Variants in SRSF3 observed in about 807,000 individuals in gnomAD.
SRSF3 encodes serine/arginine-rich splicing factor 3.
For synonymous variants in SRSF3, 87 were observed against 73.6 expected, an observed-to-expected ratio of 1.18 and a Z score of -0.93; for missense variants, 58 against 217.1, an observed-to-expected ratio of 0.27 and a Z score of 4.61.
chr6:36,599,755 T>C, intron 3 of SRSF3: 1 of 1,185,926 alleles, frequency 8.4e-7, no homozygotes, highest in Non-Finnish European at 1.1e-6. Flanking sequence ...GTTGTACTGA[T>C]GGCTTGTTTT....
chr6:36,601,018 TTTTTTTTTG>T, intron 3 of SRSF3, 125 bp from the exon 4 acceptor site: 1 of 316,900 alleles, frequency 3.2e-6, no homozygotes, highest in Non-Finnish European at 5.2e-6. Context: ...TTTTTTTTTT[TTTTTTTTTG>T]GACGATGGGT....
At position 36,599,702 on chromosome 6, in the gene SRSF3, CTG is replaced by C. The variant is rs1778687226; in HGVS notation, c.341+721_341+722del. The C allele has an allele frequency of 1.0e-5, 8 of 793,676 alleles. No individual in the cohort carries two copies. In the South Asian group the frequency reaches 1.1e-4, roughly 11 times the overall value. 49.2% of individuals were successfully genotyped at this position (793,676 alleles called of 1,614,324 possible). On this transcript the variant is annotated intron_variant, in intron 3 of 5. Transcript: ENST00000373715. ...TGCTATTTTGAAAAACAACAGCACA[CTG>C]TTGCCCATCATAATAAAGAGTATTT...
chr6:36,596,028 G>A (rs1361185654), intron 1 of SRSF3, among the ~76,000 whole-genome samples: 1 of 151,816 alleles, frequency 6.6e-6, no homozygotes, highest in African/African-American at 2.4e-5. Flanking sequence ...GGGTTCAAGC[G>A]ATTGTTCTGC....
rs1778741148 is a variant in SRSF3, at chr6:36,602,867, A to G, written c.*878A>G. The G allele has an allele frequency of 9.6e-6, 2 of 208,486 alleles. No homozygotes were observed. The highest frequency in any genetic ancestry group is 2.0e-5 in the Non-Finnish European group (2 of 102,210). 12.9% of individuals were successfully genotyped at this position (208,486 alleles called of 1,614,324 possible). ...GTATAACATTCCTATTGGAAGCCATACTTATATTTTCTTGTAAAGTGCTTT... is the reference window on the plus strand; with the variant it reads ...GTATAACATTCCTATTGGAAGCCATGCTTATATTTTCTTGTAAAGTGCTTT... On this transcript the variant is annotated 3_prime_UTR_variant, in exon 6 of 6. Transcript: ENST00000373715.
At chr6:36,597,878 A>T (rs1484240502) in intron 2 of SRSF3, among the ~76,000 whole-genome samples, 10 of 151,776 alleles carry the variant, frequency 6.6e-5, no homozygotes. Context: ...TTTAAAAAAT[A>T]ATACAGACGA....
In SRSF3 at chr6:36,602,932, T is replaced by G. The variant is rs1241552216; in HGVS notation, c.*943T>G. 4.6e-6 allele frequency: 1 copy of G among 215,328 alleles called. No individual in the cohort carries two copies. The highest frequency in any genetic ancestry group is 2.3e-5 in the African/African-American group (1 of 44,278). The allele number at this position is 215,328 out of a possible 1,614,324, so 13.3% of individuals were successfully genotyped here. On this transcript the variant is annotated 3_prime_UTR_variant, in exon 6 of 6. Transcript: ENST00000373715. ...ATTAGCATAATTGTGTATAGTCAGTTGAACCCACTGTTACCATTGTTCTTA... is the reference window on the plus strand; with the variant it reads ...ATTAGCATAATTGTGTATAGTCAGTGGAACCCACTGTTACCATTGTTCTTA...
chr6:36,596,683 T>G, intron 1 of SRSF3, 78 bp from the exon 2 acceptor site: 2 of 1,308,002 alleles, frequency 1.5e-6, no homozygotes, highest in Non-Finnish European at 2.2e-6. Context: ...TCCTCTCTAA[T>G]GGAGTTCTTT....
In SRSF3 at chr6:36,596,876, T is replaced by C. The variant is rs748647129; in HGVS notation, c.114T>C (p.Ser38=). Residue 38 remains serine, a synonymous_variant, in exon 2 of 6, where the codon AGT becomes AGC. Coordinates refer to ENST00000373715, the MANE Select transcript of SRSF3 (RefSeq NM_003017.5). ...TTGGCTACTATGGACCACTCCGAAG[T>C]GTGTGGGTTGCTAGAAACCCACCCG... is the stretch of plus-strand genomic sequence containing the variant. ...RAFGYYGPLR[S]VWVARNPPGF... The C allele has an allele frequency of 1.2e-6, 2 of 1,614,162 alleles. No individual in the cohort carries two copies. The highest frequency in any genetic ancestry group is 1.1e-5 in the South Asian group (1 of 91,082).
Position 36,601,942 on chromosome 6 carries a change from T to TTC in SRSF3, c.468-19_468-18insCT. 1.7e-6 allele frequency: 1 copy of TTC among 578,992 alleles called. No homozygotes were observed. Among genetic ancestry groups the TTC allele is most frequent in the Non-Finnish European group, 2.7e-6 (1 of 370,928 alleles). The allele number at this position is 578,992 out of a possible 1,614,324, so 35.9% of individuals were successfully genotyped here. On this transcript the variant is annotated intron_variant, in intron 5 of 5. Transcript: ENST00000373715. ...TTACAGATGTAATGTTTTGTTTTCT[T>TTC]TTTTTTTTTTTTTTTTTAGTCGATC...
chr6:36,599,767 C>A, intron 3 of SRSF3: 1 of 1,278,832 alleles, frequency 7.8e-7, no homozygotes. Context: ...GCTTGTTTTT[C>A]ATTTTTTTTG....
chr6:36,595,938 T>TG (rs1331098874), intron 1 of SRSF3, among the ~76,000 whole-genome samples: 1 of 152,060 alleles, frequency 6.6e-6, no homozygotes. Flanking sequence ...TGTGGTTTTT[T>TG]TTTGGCGATG....
At chr6:36,596,574 CG>C (rs34650091) in intron 1 of SRSF3, among the ~76,000 whole-genome samples, 186 bp from the exon 2 acceptor site, 68,295 of 91,920 alleles carry the variant, frequency 0.74, 25,042 homozygotes, top group East Asian at 0.85. Flanking sequence ...GGCGGGGTGG[CG>C]GGGGGGGGGA....
At chr6:36,598,826 G>T in intron 2 of SRSF3, 23 bp from the exon 3 acceptor site, 1 of 1,609,238 alleles carries the variant, frequency 6.2e-7, no homozygotes, top group South Asian at 1.1e-5. Flanking sequence ...GCTGTTTTAA[G>T]TTTAATATCT....
chr6:36,595,583 T>A (rs1358426296), intron 1 of SRSF3, among the ~76,000 whole-genome samples: 1 of 152,248 alleles, frequency 6.6e-6, no homozygotes, highest in Non-Finnish European at 1.5e-5. Flanking sequence ...TTAGTATTTA[T>A]GGAATCGTGT....
chr6:36,597,100 T>C, intron 2 of SRSF3, 132 bp downstream of exon 2: 5 of 317,678 alleles, frequency 1.6e-5, no homozygotes, highest in Non-Finnish European at 1.6e-5. Context: ...TTGGGATCTT[T>C]TTTTTTTTTT....
Position 36,604,045 on chromosome 6 carries a change from T to TAGAAACTTTAGAACATGGAAATTGTTAA in SRSF3, c.*2058_*2085dup. ...AGCCCTAGCATAACCTCAAGACTCT[T>TAGAAACTTTAGAACATGGAAATTGTTAA]AGAAACTTTAGAACATGGAAATTGT... On this transcript the variant is annotated 3_prime_UTR_variant, in exon 6 of 6. Transcript: ENST00000373715. 1 of 229,318 alleles carries TAGAAACTTTAGAACATGGAAATTGTTAA rather than the reference T, an allele frequency of 4.4e-6. No homozygotes were observed. The highest frequency in any genetic ancestry group is 8.6e-6 in the Non-Finnish European group (1 of 115,682). 14.2% of individuals were successfully genotyped at this position (229,318 alleles called of 1,614,324 possible).
chr6:36,600,439 G>T lies in SRSF3; in HGVS notation c.342-713G>T, dbSNP rs9394364. ...TTAAGGGTGATAGGGAACTCGTAATGTAACTAGGCCTTCAAGTGAAACTTA... is the reference window on the plus strand; with the variant it reads ...TTAAGGGTGATAGGGAACTCGTAATTTAACTAGGCCTTCAAGTGAAACTTA... On this transcript the variant is annotated intron_variant, in intron 3 of 5. Coordinates refer to ENST00000373715, the MANE Select transcript of SRSF3 (RefSeq NM_003017.5). The T allele has an allele frequency of 5.8e-3, 1,476 of 256,682 alleles. 92 individuals are homozygous for T. The East Asian group carries it at 0.16, about 28-fold the overall frequency. 15.9% of individuals were successfully genotyped at this position (256,682 alleles called of 1,614,324 possible).
chr6:36,596,251 G>A (rs1331322663), intron 1 of SRSF3, among the ~76,000 whole-genome samples: 1 of 152,022 alleles, frequency 6.6e-6, no homozygotes, highest in Non-Finnish European at 1.5e-5. Context: ...AGTGAAAATC[G>A]TTGGCCTTAT....
Position 36,596,906 on chromosome 6 carries a change from T to C in SRSF3, c.144T>C (p.Phe48=), listed in dbSNP as rs1389350940. The change falls in exon 2 of 6, where the codon TTT becomes TTC. Residue 48 remains phenylalanine, a synonymous_variant. Transcript: ENST00000373715. ...GGGTTGCTAGAAACCCACCCGGCTT[T>C]GCTTTTGTTGAATTTGAAGATCCCC... The part of the protein sequence containing the change: ...SVWVARNPPG[F]AFVEFEDPRD... 1.2e-6 allele frequency: 2 copies of C among 1,614,074 alleles called. No homozygotes were observed. Among genetic ancestry groups the C allele is most frequent in the Non-Finnish European group, 1.7e-6 (2 of 1,179,992 alleles).
Sources: allele counts gnomAD v4.1 joint callset (sites outside exome capture counted in the v4.1 genomes callset), GRCh38; gene constraint gnomAD v4.1.1; transcripts MANE v1.5; gene names NCBI Gene and HGNC (gene_info 2026-07-23, HGNC 2026-07-21).